Variants in CSMD3 observed in about 807,000 individuals in gnomAD.
The protein encoded by CSMD3 is CUB and sushi domain-containing protein 3.
CSMD3 carries 177 observed loss-of-function variants against 435.2 expected under a neutral mutation model. The ratio of observed to expected loss-of-function variants is 0.41; its 90% CI spans 0.36 to 0.46. The LOEUF (loss-of-function observed/expected upper bound fraction) is 0.46. Among genes scored for constraint, CSMD3 ranks in the 20% least tolerant of loss-of-function variants. The pLI, the probability that CSMD3 is intolerant of heterozygous loss-of-function variation, is 0.34. For synonymous variants in CSMD3, 1,656 were observed against 1,520.5 expected, an observed-to-expected ratio of 1.09 and a Z score of -2.07; for missense variants, 4,265 against 4,504.6, an observed-to-expected ratio of 0.95 and a Z score of 1.52.
chr8:112,677,200 G>A (rs909622745), intron 16 of CSMD3, among the ~76,000 whole-genome samples: 2 of 151,844 alleles, frequency 1.3e-5, no homozygotes, highest in Non-Finnish European at 2.9e-5. Flanking sequence ...ATGGGCCCTG[G>A]AAAGGAAAAT....
intron 1 of CSMD3, among the ~76,000 whole-genome samples, chr8:113,373,189 C>G (rs1383989806): frequency 6.6e-6 from 1 of 152,098 alleles, no homozygotes; most frequent in East Asian, 1.9e-4. Flanking sequence ...TAGACACACA[C>G]AGATGGTATT....
chr8:113,360,636 A>C lies in CSMD3; in HGVS notation c.179-45843T>G, dbSNP rs867296602. ...TCGCCCAGGCTGGAGTGCAGTGGCGAGATCTCGGCTCACTGCAAGCTCCGC... is the reference window on the plus strand; with the variant it reads ...TCGCCCAGGCTGGAGTGCAGTGGCGCGATCTCGGCTCACTGCAAGCTCCGC... On this transcript the variant is annotated intron_variant, in intron 1 of 70. Transcript: ENST00000297405. 4.9e-3 allele frequency among the ~76,000 whole-genome samples: 679 copies of C among 137,878 alleles called. 9 individuals carry two copies. The highest frequency in any genetic ancestry group is 0.018 in the African/African-American group (653 of 35,576). 90.5% of individuals were successfully genotyped at this position (137,878 alleles called of 152,430 possible).
intron 9 of CSMD3, among the ~76,000 whole-genome samples, chr8:112,929,861 TC>T (rs1468626432): frequency 2.0e-5 from 3 of 152,118 alleles, no homozygotes; most frequent in Non-Finnish European, 4.4e-5. Context: ...TAATTTTTTT[TC>T]TGTGACAGAA....
intron 9 of CSMD3, among the ~76,000 whole-genome samples, chr8:112,939,572 T>C (rs2083387742): frequency 6.6e-6 from 1 of 151,966 alleles, no homozygotes; most frequent in Non-Finnish European, 1.5e-5. Context: ...TGATTCCAAA[T>C]CCCACGCTTT....
intron 1 of CSMD3, among the ~76,000 whole-genome samples, chr8:113,349,788 C>T (rs1430351091): frequency 1.3e-5 from 2 of 152,012 alleles, no homozygotes; most frequent in East Asian, 1.9e-4. Context: ...TAACTTCCAA[C>T]GATGTAGTAT....
intron 13 of CSMD3, among the ~76,000 whole-genome samples, chr8:112,691,516 T>C (rs1297083360): frequency 6.6e-6 from 1 of 152,104 alleles, no homozygotes; most frequent in Non-Finnish European, 1.5e-5. Flanking sequence ...TTGTTTTTTC[T>C]TTTGCTTGTT....
At chr8:112,290,556 C>T (rs912320171) in intron 56 of CSMD3, among the ~76,000 whole-genome samples, 4 of 151,878 alleles carry the variant, frequency 2.6e-5, no homozygotes, top group African/African-American at 7.2e-5. Flanking sequence ...TCAAATTTTA[C>T]AGACACAGCA....
At chr8:113,030,193 A>T (rs1209848425) in intron 5 of CSMD3, among the ~76,000 whole-genome samples, 7 of 151,112 alleles carry the variant, frequency 4.6e-5, no homozygotes, top group African/African-American at 1.5e-4. Context: ...TGTGACAATG[A>T]CCATACTGCC....
intron 24 of CSMD3, among the ~76,000 whole-genome samples, chr8:112,569,523 G>A (rs1829329720): frequency 2.0e-5 from 3 of 152,048 alleles, no homozygotes; most frequent in Non-Finnish European, 4.4e-5. Context: ...GCACTTTAAA[G>A]GTCTGTTCTA....
At chr8:112,229,575 C>G (rs1586458433) in intron 69 of CSMD3, among the ~76,000 whole-genome samples, 1 of 152,066 alleles carries the variant, frequency 6.6e-6, no homozygotes, top group Non-Finnish European at 1.5e-5. Context: ...ACTGCAGGCA[C>G]ATGCAACCAC....
chr8:113,361,651 AAAAT>A (rs1489128238), intron 1 of CSMD3, among the ~76,000 whole-genome samples: 1 of 152,122 alleles, frequency 6.6e-6, no homozygotes, highest in Non-Finnish European at 1.5e-5. Context: ...ATGGATTTAA[AAAAT>A]AATTAAAAAC....
intron 13 of CSMD3, among the ~76,000 whole-genome samples, chr8:112,796,793 A>C (rs1432063306): frequency 6.6e-6 from 1 of 151,968 alleles, no homozygotes; most frequent in Admixed American, 6.6e-5. Context: ...TGGCAAACAA[A>C]AAAAATCTCC....
chr8:112,530,689 A>G (rs1172863994), intron 27 of CSMD3, among the ~76,000 whole-genome samples: 1 of 152,206 alleles, frequency 6.6e-6, no homozygotes, highest in African/African-American at 2.4e-5. Flanking sequence ...CAAACGTACA[A>G]CACAAGAATA....
chr8:113,071,396 A>C (rs767658271), intron 5 of CSMD3, among the ~76,000 whole-genome samples: 1 of 151,898 alleles, frequency 6.6e-6, no homozygotes, highest in Admixed American at 6.6e-5. Context: ...ATCATTGCAC[A>C]TATCGAAGTC....
intron 38 of CSMD3, among the ~76,000 whole-genome samples, chr8:112,368,107 A>T (rs1471255466): frequency 1.3e-5 from 2 of 152,156 alleles, no homozygotes; most frequent in African/African-American, 4.8e-5. Flanking sequence ...AAATGCTCTT[A>T]TATCTATCTG....
intron 6 of CSMD3, among the ~76,000 whole-genome samples, chr8:112,976,399 T>C (rs1204086450): frequency 6.6e-6 from 1 of 152,096 alleles, no homozygotes; most frequent in Admixed American, 6.6e-5. Context: ...AGAGAGCAGG[T>C]AAAAGGGTAA....
At chr8:113,413,812 AT>A (rs1347395435) in intron 1 of CSMD3, among the ~76,000 whole-genome samples, 2 of 152,126 alleles carry the variant, frequency 1.3e-5, no homozygotes, top group Non-Finnish European at 2.9e-5. Flanking sequence ...GTAATGGAAG[AT>A]TTTTTATTCA....
chr8:113,159,456 G>A (rs1356994260), intron 4 of CSMD3, among the ~76,000 whole-genome samples: 1 of 151,828 alleles, frequency 6.6e-6, no homozygotes, highest in Non-Finnish European at 1.5e-5. Flanking sequence ...AAAAAATTCA[G>A]AGTTGGGCCA....
intron 27 of CSMD3, among the ~76,000 whole-genome samples, chr8:112,527,014 G>A (rs759474706): frequency 6.6e-6 from 1 of 151,620 alleles, no homozygotes; most frequent in Non-Finnish European, 1.5e-5. Context: ...GCTAATAGAA[G>A]AGAAAAAAAT....
Sources: gnomAD v4.1 joint callset for allele counts (sites outside exome capture counted in the v4.1 genomes callset) on GRCh38, gnomAD v4.1.1 for gene constraint, MANE v1.5 for transcripts, NCBI Gene and HGNC (gene_info 2026-07-23, HGNC 2026-07-21) for gene names.